RASEF: variants seen among roughly 807,000 people sequenced by gnomAD.
RASEF encodes ras and EF-hand domain-containing protein.
Under a neutral mutation model 90.1 loss-of-function variants are expected in RASEF, and 68 were observed. The observed-to-expected ratio is 0.75, with a 90% CI of 0.62 to 0.92. The LOEUF (loss-of-function observed/expected upper bound fraction) is 0.92. Ranked by LOEUF, RASEF falls within the 40% of genes least tolerant of loss-of-function variation. The pLI is 0.00. For synonymous variants in RASEF, 331 were observed against 345.2 expected, an observed-to-expected ratio of 0.96 and a Z score of 0.46; for missense variants, 949 against 937.2, an observed-to-expected ratio of 1.01 and a Z score of -0.16.
chr9:83,070,918 A>G, the RASEF span, among the ~76,000 whole-genome samples: 127 of 152,266 alleles, frequency 8.3e-4, no homozygotes, highest in Non-Finnish European at 1.1e-3. Context: ...TCAATCTCCA[A>G]TTGTTACCAG....
chr9:83,144,391 G>GGAAAGAAGGAAA, the RASEF span, among the ~76,000 whole-genome samples: 1 of 33,220 alleles, frequency 3.0e-5, no homozygotes, highest in Non-Finnish European at 6.1e-5. Flanking sequence ...AAGAAAGAAA[G>GGAAAGAAGGAAA]GAAAGAAAGA....
At chr9:83,001,268 C>T in intron 9 of RASEF, 138 bp from the exon 10 acceptor site, 1 of 614,022 alleles carries the variant, frequency 1.6e-6, no homozygotes. Flanking sequence ...CATGATTAGG[C>T]ATTAGGGGAA....
chr9:83,208,871 A>G, the RASEF span, among the ~76,000 whole-genome samples: 1 of 152,120 alleles, frequency 6.6e-6, no homozygotes, highest in African/African-American at 2.4e-5. Context: ...CTTATTTCCT[A>G]GAGCATTTGA....
At chr9:83,199,942 G>A in the RASEF span, among the ~76,000 whole-genome samples, 13 of 152,282 alleles carry the variant, frequency 8.5e-5, no homozygotes, top group Non-Finnish European at 1.5e-4. Flanking sequence ...GCATGATGCC[G>A]CCACCTAGCA....
At chr9:83,109,901 C>T in the RASEF span, among the ~76,000 whole-genome samples, 4,738 of 152,250 alleles carry the variant, frequency 0.031, 260 homozygotes, top group African/African-American at 0.11. Flanking sequence ...ATCTCTCTAA[C>T]TCCAATGAAT....
At chr9:83,192,734 T>C in the RASEF span, among the ~76,000 whole-genome samples, 1 of 146,258 alleles carries the variant, frequency 6.8e-6, no homozygotes, top group African/African-American at 2.5e-5. Flanking sequence ...AAAATTCCAT[T>C]AAAATGCTAC....
rs1829184634 is a variant in RASEF at position 83,008,914 on chromosome 9, A to ATATG, written c.959+726_959+727insCATA. The stretch of plus-strand genomic sequence containing the variant: ...ATCATATATATATATATATATATAT[A>ATATG]TATATATATATATATATATATGACG... On this transcript the variant is annotated intron_variant, in intron 6 of 16. Coordinates refer to ENST00000376447, the MANE Select transcript of RASEF (RefSeq NM_152573.4). Among the ~76,000 whole-genome samples, 2 of 125,430 alleles carry ATATG rather than the reference A, an allele frequency of 1.6e-5. 1 individual carries two copies. The highest frequency in any genetic ancestry group is 1.6e-4 in the Admixed American group (2 of 12,746). 82.3% of individuals were successfully genotyped at this position (125,430 alleles called of 152,430 possible). A position where few individuals can be genotyped will look rare whatever the true frequency, so the allele number is the denominator to read the frequency against.
At chr9:83,217,502 T>G in the RASEF span, among the ~76,000 whole-genome samples, 2 of 152,100 alleles carry the variant, frequency 1.3e-5, no homozygotes, top group African/African-American at 2.4e-5. Flanking sequence ...GGTAATTGAA[T>G]CATGGGGGCA....
chr9:83,090,744 T>C, the RASEF span, among the ~76,000 whole-genome samples: 1 of 152,014 alleles, frequency 6.6e-6, no homozygotes, highest in Non-Finnish European at 1.5e-5. Context: ...GGGTTAAAAA[T>C]TGGACATTTA....
the RASEF span, among the ~76,000 whole-genome samples, chr9:83,176,431 C>A: frequency 2.0e-5 from 3 of 151,976 alleles, no homozygotes; most frequent in African/African-American, 7.2e-5. Context: ...CTTTTTCTAT[C>A]CTATCTGAAA....
chr9:83,209,383 A>G, the RASEF span, among the ~76,000 whole-genome samples: 2 of 152,250 alleles, frequency 1.3e-5, no homozygotes, highest in Admixed American at 6.5e-5. Flanking sequence ...GAGAATGTGC[A>G]GTCTGTATGG....
At chr9:83,161,185 TC>T in the RASEF span, among the ~76,000 whole-genome samples, 1 of 152,124 alleles carries the variant, frequency 6.6e-6, no homozygotes, top group East Asian at 1.9e-4. Flanking sequence ...GAATGGTAGA[TC>T]CACTGACAAT....
chr9:82,982,823 G>C, intron 16 of RASEF, 41 bp from the exon 17 acceptor site: 1 of 1,146,590 alleles, frequency 8.7e-7, no homozygotes. Context: ...GAGAGAGAGA[G>C]AGAGAGAGAG....
At chr9:82,999,264 GGGTAACGGATCATATATC>G (rs957051430) in intron 12 of RASEF, among the ~76,000 whole-genome samples, 1 of 152,174 alleles carries the variant, frequency 6.6e-6, no homozygotes, top group African/African-American at 2.4e-5. Flanking sequence ...TTGTGAAGGT[GGGTAACGGATCATATATC>G]TGGCTATGAT....
At chr9:83,095,799 G>T in the RASEF span, among the ~76,000 whole-genome samples, 1 of 151,900 alleles carries the variant, frequency 6.6e-6, no homozygotes, top group Admixed American at 6.6e-5. Flanking sequence ...AGACTCACAG[G>T]TGCCCATAAA....
chr9:83,144,326 G>A, the RASEF span, among the ~76,000 whole-genome samples: 1,249 of 39,368 alleles, frequency 0.032, 86 homozygotes, highest in East Asian at 0.045. Flanking sequence ...AAAGAAAGAA[G>A]GAAAGAAAGA....
At position 82,997,091 on chromosome 9, in the gene RASEF, G is replaced by T. The variant is rs149457554; in HGVS notation, c.1841C>A (p.Ala614Glu). The part of the protein sequence containing the change: ...RSIAKSYFRK[A>E]DGVLLLYDVT... ...ATCATACAGCAGCAAAACACCATCTGCCTTTCTGAAGTAAGACTTGGCAAT... is the reference window on the plus strand; with the variant it reads ...ATCATACAGCAGCAAAACACCATCTTCCTTTCTGAAGTAAGACTTGGCAAT... Residue 614 changes from alanine (A) to glutamate (E), a missense_variant, in exon 14 of 17, where the codon GCA (alanine) becomes GAA (glutamate). Ala to Glu is a moderately radical substitution (Grantham distance 107). Coordinates refer to ENST00000376447, the MANE Select transcript of RASEF (RefSeq NM_152573.4). 7 of 1,613,170 alleles carry T rather than the reference G, an allele frequency of 4.3e-6. No homozygotes were observed. The African/African-American group carries it at 9.3e-5, about 22-fold the overall frequency.
chr9:83,043,417 T>C (rs934084667), intron 1 of RASEF, among the ~76,000 whole-genome samples: 3 of 151,960 alleles, frequency 2.0e-5, no homozygotes, highest in African/African-American at 7.3e-5. Flanking sequence ...GACCCTGGGC[T>C]TCTGCAATGT....
chr9:83,057,086 C>T (rs1432195466), intron 1 of RASEF, among the ~76,000 whole-genome samples: 1 of 152,136 alleles, frequency 6.6e-6, no homozygotes, highest in African/African-American at 2.4e-5. Context: ...ACAAAAGGCC[C>T]AGGAGGAAGG....
Sources: gnomAD v4.1 joint callset for allele counts (sites outside exome capture counted in the v4.1 genomes callset) on GRCh38, gnomAD v4.1.1 for gene constraint, MANE v1.5 for transcripts, NCBI Gene and HGNC (gene_info 2026-07-23, HGNC 2026-07-21) for gene names.